Variants in CHSY3 observed in about 807,000 individuals in gnomAD.
CHSY3 encodes the protein N-acetylgalactosaminyl-proteoglycan 3-beta-glucuronosyltransferase 3.
A neutral mutation model predicts 67.2 loss-of-function variants in CHSY3; 35 were observed. The observed-to-expected ratio is 0.52, with a 90% CI of 0.40 to 0.69. The LOEUF is 0.69. Among genes scored for constraint, CHSY3 ranks in the 30% least tolerant of loss-of-function variants. CHSY3 has a pLI of 0.00. For missense variants in CHSY3, 1,069 were observed against 1,138.5 expected (o/e 0.94, Z 0.88); for synonymous variants, 474 against 434.7 (o/e 1.09, Z -1.12).
chr5:130,018,192 A>T (rs1484633901), intron 2 of CHSY3, among the ~76,000 whole-genome samples: 2 of 152,074 alleles, frequency 1.3e-5, no homozygotes, highest in Non-Finnish European at 2.9e-5. Context: ...TCTACAAAAA[A>T]GTTAATCTTA....
intron 2 of CHSY3, among the ~76,000 whole-genome samples, chr5:130,031,088 C>G (rs1561505429): frequency 6.6e-6 from 1 of 151,406 alleles, no homozygotes; most frequent in Non-Finnish European, 1.5e-5. Context: ...TTGGCTCATT[C>G]CGAGTGGTAT....
intron 2 of CHSY3, among the ~76,000 whole-genome samples, chr5:129,909,750 A>T (rs908901135): frequency 5.3e-5 from 8 of 152,072 alleles, no homozygotes; most frequent in Non-Finnish European, 1.0e-4. Flanking sequence ...AAAATATTCA[A>T]TACAGAGAAC....
At chr5:129,929,508 C>T (rs1457270911) in intron 2 of CHSY3, among the ~76,000 whole-genome samples, 1 of 152,124 alleles carries the variant, frequency 6.6e-6, no homozygotes, top group East Asian at 1.9e-4. Context: ...ACTTGATGGG[C>T]TGTATTCTGA....
intron 2 of CHSY3, among the ~76,000 whole-genome samples, chr5:129,941,553 A>G (rs1761698627): frequency 6.6e-6 from 1 of 152,144 alleles, no homozygotes; most frequent in African/African-American, 2.4e-5. Context: ...AAGCCCATTT[A>G]AATTTTCATA....
chr5:130,138,333 A>C lies in CHSY3; in HGVS notation c.1087-45896A>C, dbSNP rs1365898649. ...GCAGGCTGTGACCTGAGGTAGGCAT[A>C]GGCTGTCAGCAAGGTAGGTCATACA... is the stretch of plus-strand genomic sequence containing the variant. On this transcript the variant is annotated intron_variant, in intron 2 of 2. Coordinates refer to ENST00000305031, the MANE Select transcript of CHSY3 (RefSeq NM_175856.5). 2.0e-5 allele frequency among the ~76,000 whole-genome samples: 3 copies of C among 152,306 alleles called. No homozygotes were observed. In the South Asian group the frequency reaches 6.2e-4, roughly 32 times the overall value.
intron 2 of CHSY3, among the ~76,000 whole-genome samples, chr5:129,971,619 C>T (rs569415164): frequency 1.3e-5 from 2 of 152,000 alleles, no homozygotes; most frequent in East Asian, 3.9e-4. Context: ...AATTACTTGT[C>T]TAATGCTATA....
chr5:130,005,831 T>G (rs1279838499), intron 2 of CHSY3, among the ~76,000 whole-genome samples: 1 of 152,256 alleles, frequency 6.6e-6, no homozygotes, highest in Non-Finnish European at 1.5e-5. Flanking sequence ...TGACATATAA[T>G]TTCCAAATAA....
At chr5:130,106,216 A>G (rs1345179277) in intron 2 of CHSY3, among the ~76,000 whole-genome samples, 1 of 151,764 alleles carries the variant, frequency 6.6e-6, no homozygotes, top group Non-Finnish European at 1.5e-5. Flanking sequence ...TAGCATGAAC[A>G]GGCAATGCTT....
chr5:129,950,637 C>A (rs1761997908), intron 2 of CHSY3, among the ~76,000 whole-genome samples: 1 of 151,956 alleles, frequency 6.6e-6, no homozygotes, highest in African/African-American at 2.4e-5. Context: ...AGTGAAATAT[C>A]TGAAAAAGAA....
chr5:129,918,985 T>C (rs1205693988), intron 2 of CHSY3, among the ~76,000 whole-genome samples: 2 of 148,496 alleles, frequency 1.3e-5, no homozygotes, highest in Non-Finnish European at 3.0e-5. Context: ...CGGGCGCCTG[T>C]AGTCCCAGCT....
At chr5:130,017,169 T>G (rs1764240727) in intron 2 of CHSY3, among the ~76,000 whole-genome samples, 1 of 152,156 alleles carries the variant, frequency 6.6e-6, no homozygotes, top group Admixed American at 6.5e-5. Context: ...AAGAGGATAC[T>G]GCCGGCAGTT....
intron 2 of CHSY3, among the ~76,000 whole-genome samples, chr5:130,130,282 A>T (rs1370445591): frequency 2.6e-5 from 4 of 152,082 alleles, no homozygotes; most frequent in Admixed American, 6.6e-5. Context: ...TTTATAGTTT[A>T]TGCATTTCTG....
intron 2 of CHSY3, among the ~76,000 whole-genome samples, chr5:130,130,202 T>C (rs1477218725): frequency 6.6e-6 from 1 of 152,140 alleles, no homozygotes; most frequent in Admixed American, 6.5e-5. Flanking sequence ...TATTCCCCCT[T>C]AAGTTCTCTT....
rs141966188 is a variant in CHSY3 at position 130,117,004 on chromosome 5, G to T, written c.1087-67225G>T. 1.9e-3 allele frequency among the ~76,000 whole-genome samples: 288 copies of T among 152,254 alleles called. 1 individual carries two copies. The highest frequency in any genetic ancestry group is 3.3e-3 in the Non-Finnish European group (227 of 67,994). ...CTTTTGGGGGAGAGAGTTGAGACTG[G>T]AATGCAGAGCATCCTAATTCTTGCA... is the stretch of plus-strand genomic sequence containing the variant. On this transcript the variant is annotated intron_variant, in intron 2 of 2. Coordinates refer to ENST00000305031, the MANE Select transcript of CHSY3 (RefSeq NM_175856.5).
rs180802482 is a variant in CHSY3 at position 130,057,214 on chromosome 5, G to A, written c.1087-127015G>A. On this transcript the variant is annotated intron_variant, in intron 2 of 2. Transcript: ENST00000305031. ...GCTGGGATTACAGGCGTGAGCCACC[G>A]CACCCAGCCATATTTTTAGCATTTC... Among the ~76,000 whole-genome samples the A allele has an allele frequency of 3.2e-4, 48 of 151,804 alleles. 1 individual carries two copies. The East Asian group carries it at 6.0e-3, about 19-fold the overall frequency.
intron 2 of CHSY3, among the ~76,000 whole-genome samples, chr5:129,917,474 T>C (rs1459975344): frequency 6.6e-6 from 1 of 152,192 alleles, no homozygotes; most frequent in East Asian, 1.9e-4. Flanking sequence ...TGTTAAGCAT[T>C]CTACAACTAC....
intron 2 of CHSY3, among the ~76,000 whole-genome samples, chr5:130,172,217 A>G (rs1397441261): frequency 6.6e-6 from 1 of 152,126 alleles, no homozygotes; most frequent in Non-Finnish European, 1.5e-5. Flanking sequence ...AATTGGCCAG[A>G]GTGTGATATG....
chr5:130,122,181 A>G (rs1029565518), intron 2 of CHSY3, among the ~76,000 whole-genome samples: 1 of 152,240 alleles, frequency 6.6e-6, no homozygotes, highest in African/African-American at 2.4e-5. Flanking sequence ...ATACATACAT[A>G]CATGCATACA....
At chr5:130,113,399 A>G (rs1165788078) in intron 2 of CHSY3, among the ~76,000 whole-genome samples, 1 of 152,182 alleles carries the variant, frequency 6.6e-6, no homozygotes, top group Non-Finnish European at 1.5e-5. Context: ...AGTTCTATGT[A>G]CTTTGTAATC....
Sources: allele counts gnomAD v4.1 joint callset (sites outside exome capture counted in the v4.1 genomes callset), GRCh38; gene constraint gnomAD v4.1.1; transcripts MANE v1.5; gene names NCBI Gene and HGNC (gene_info 2026-07-23, HGNC 2026-07-21).